The following OSBPL8 variants were observed in gnomAD, a reference collection of about 807,000 sequenced individuals.
The protein encoded by OSBPL8 is oxysterol-binding protein-related protein 8.
Under a neutral mutation model 125.5 loss-of-function variants are expected in OSBPL8, and 59 were observed. The observed-to-expected ratio is 0.47, with a 90% CI of 0.38 to 0.58. The LOEUF (loss-of-function observed/expected upper bound fraction) is 0.58. Ranked by LOEUF, OSBPL8 falls within the 20% of genes least tolerant of loss-of-function variation. OSBPL8 has a pLI of 0.00. For synonymous variants in OSBPL8, 330 were observed against 338.9 expected (o/e 0.97, Z 0.29); for missense variants, 758 against 1,047.8 (o/e 0.72, Z 3.82).
chr12:76,546,792 C>A (rs1210810693), intron 1 of OSBPL8, among the ~76,000 whole-genome samples: 1 of 152,016 alleles, frequency 6.6e-6, no homozygotes, highest in Admixed American at 6.6e-5. Flanking sequence ...GCTAGTTTCA[C>A]AGAATATAGA....
At chr12:76,380,341 A>C (rs552165840) in intron 15 of OSBPL8, among the ~76,000 whole-genome samples, 5 of 152,164 alleles carry the variant, frequency 3.3e-5, no homozygotes, top group South Asian at 2.1e-4. Context: ...CACGACTTAC[A>C]CATCTTTTAT....
Position 76,384,280 on chromosome 12 carries a change from C to G in OSBPL8, c.1604G>C (p.Ser535Thr). 4 of 1,561,346 alleles carry G rather than the reference C, an allele frequency of 2.6e-6. No individual in the cohort carries two copies. Among genetic ancestry groups the G allele is most frequent in the Non-Finnish European group, 3.5e-6 (4 of 1,145,208 alleles). The stretch of plus-strand genomic sequence containing the variant: ...ATAAAACTTAGACTTAGCCAGGATA[C>G]TACCGCTAAGGCAAAATCCATCTTT... ...NRKDGFCLSG[S>T]ILAKSKFYGN... The change falls in exon 15 of 24, where the codon AGT (serine) becomes ACT (threonine). Residue 535 changes from serine (S) to threonine (T), a missense_variant. By Grantham distance (58) the Ser-to-Thr change is moderately conservative (BLOSUM62 1). Transcript: ENST00000261183.
chr12:76,522,831 T>C (rs1049882766), intron 1 of OSBPL8, among the ~76,000 whole-genome samples: 5 of 152,202 alleles, frequency 3.3e-5, no homozygotes, highest in Non-Finnish European at 5.9e-5. Flanking sequence ...GTGTTAAAAG[T>C]ACTAAAATAT....
At chr12:76,371,145 A>G (rs1490797357) in intron 19 of OSBPL8, 1 of 182,408 alleles carries the variant, frequency 5.5e-6, no homozygotes, top group Non-Finnish European at 1.1e-5. Context: ...GGTAGAAACT[A>G]AGAGTCATTA....
At chr12:76,485,127 TG>T (rs1436968394) in intron 2 of OSBPL8, among the ~76,000 whole-genome samples, 1 of 151,934 alleles carries the variant, frequency 6.6e-6, no homozygotes, top group Non-Finnish European at 1.5e-5. Context: ...TTCATCATGC[TG>T]GCCAGGCTGG....
chr12:76,491,992 C>A (rs1878767468), intron 1 of OSBPL8, among the ~76,000 whole-genome samples: 1 of 151,976 alleles, frequency 6.6e-6, no homozygotes, highest in Non-Finnish European at 1.5e-5. Context: ...TTGAATACAT[C>A]AATTTGCAAA....
intron 4 of OSBPL8, among the ~76,000 whole-genome samples, chr12:76,443,338 C>A (rs1428526933): frequency 6.6e-6 from 1 of 152,022 alleles, no homozygotes. Context: ...TATAGTATTT[C>A]ATGAAGCTTT....
intron 2 of OSBPL8, among the ~76,000 whole-genome samples, chr12:76,475,472 G>A (rs1235549593): frequency 2.0e-5 from 3 of 152,084 alleles, no homozygotes; most frequent in Non-Finnish European, 4.4e-5. Flanking sequence ...GTTTTTTCAG[G>A]TGGTCCCTTA....
chr12:76,555,827 T>C (rs1951078025), intron 1 of OSBPL8, among the ~76,000 whole-genome samples: 1 of 152,244 alleles, frequency 6.6e-6, no homozygotes, highest in Non-Finnish European at 1.5e-5. Context: ...TTAATCTTTT[T>C]ATTTAGGGAG....
intron 1 of OSBPL8, among the ~76,000 whole-genome samples, chr12:76,510,626 TCCCAGCA>T (rs1880875878): frequency 1.3e-5 from 2 of 152,160 alleles, no homozygotes; most frequent in Admixed American, 1.3e-4. Context: ...ACGCCTGTAA[TCCCAGCA>T]CTTTGGGAGG....
chr12:76,559,577 C>T lies in OSBPL8; in HGVS notation c.-248G>A, dbSNP rs570481903. 2 of 152,246 alleles carry T rather than the reference C, an allele frequency of 1.3e-5. No individual in the cohort carries two copies. The highest frequency in any genetic ancestry group is 6.5e-5 in the Admixed American group (1 of 15,288). 9.4% of individuals were successfully genotyped at this position (152,246 alleles called of 1,614,324 possible). ...GCGCTGCCCAGCGGCCGCGGAGGCA[C>T]TGCCGGCTCAGCCCCCGAGCGGGGC... On this transcript the variant is annotated 5_prime_UTR_variant, in exon 1 of 24. The change creates a new upstream start codon in the 5' untranslated region. Transcript: ENST00000261183.
At chr12:76,393,477 G>A (rs1592592706) in intron 9 of OSBPL8, among the ~76,000 whole-genome samples, 1 of 151,900 alleles carries the variant, frequency 6.6e-6, no homozygotes, top group Non-Finnish European at 1.5e-5. Flanking sequence ...TTGGGAGGCC[G>A]AGGCAGGCGG....
intron 2 of OSBPL8, among the ~76,000 whole-genome samples, chr12:76,480,457 T>C (rs1315163355): frequency 6.6e-6 from 1 of 152,192 alleles, no homozygotes; most frequent in African/African-American, 2.4e-5. Context: ...TGGGATACGT[T>C]CTACTACTCC....
chr12:76,524,856 G>A lies in OSBPL8; in HGVS notation c.-68+34541C>T, dbSNP rs2137380. Among the ~76,000 whole-genome samples the A allele has an allele frequency of 2.6e-5, 4 of 152,116 alleles. No individual in the cohort carries two copies. The East Asian group carries it at 7.7e-4, about 29-fold the overall frequency. ...ACAGTACCACGCCCAGCTAATTTTT[G>A]TATTTTTAGTAGAGACGGGGTATCG... On this transcript the variant is annotated intron_variant, in intron 1 of 23. Coordinates refer to ENST00000261183, the MANE Select transcript of OSBPL8 (RefSeq NM_020841.5).
In OSBPL8 at chr12:76,371,522, T is replaced by A; in HGVS notation, c.1980A>T (p.Thr660=). The A allele has an allele frequency of 6.2e-7, 1 of 1,611,430 alleles. No homozygotes were observed. Among genetic ancestry groups the A allele is most frequent in the Non-Finnish European group, 8.5e-7 (1 of 1,178,704 alleles). Residue 660 remains threonine, a synonymous_variant, in exon 19 of 24, where the codon ACA becomes ACT. Coordinates refer to ENST00000261183, the MANE Select transcript of OSBPL8 (RefSeq NM_020841.5). ...TTAATCTCCATTGCTTAATGTCAGG[T>A]GTTGGATTCCAGAAAACCTCTGAAT... ...TDNSEVFWNP[T]PDIKQWRLIR...
intron 2 of OSBPL8, among the ~76,000 whole-genome samples, chr12:76,462,092 A>G (rs770013792): frequency 6.6e-6 from 1 of 152,186 alleles, no homozygotes; most frequent in Non-Finnish European, 1.5e-5. Context: ...CAGTGGTTCT[A>G]ATTGTGTGTA....
chr12:76,402,019 C>T (rs905974523), intron 6 of OSBPL8, among the ~76,000 whole-genome samples: 4 of 152,110 alleles, frequency 2.6e-5, no homozygotes, highest in African/African-American at 9.7e-5. Flanking sequence ...ACAGACTAGA[C>T]ATAATACAAT....
At chr12:76,537,846 T>C (rs1199174168) in intron 1 of OSBPL8, 1 of 151,878 alleles carries the variant, frequency 6.6e-6, no homozygotes, top group Non-Finnish European at 1.5e-5. Flanking sequence ...GAAGCAGAGG[T>C]TGCAGTGAGC....
intron 1 of OSBPL8, among the ~76,000 whole-genome samples, chr12:76,531,373 A>G (rs928736668): frequency 1.1e-4 from 16 of 152,342 alleles, no homozygotes; most frequent in Non-Finnish European, 1.9e-4. Flanking sequence ...TCAGTAATTC[A>G]ATGGTAATAA....
Sources: allele counts gnomAD v4.1 joint callset (sites outside exome capture counted in the v4.1 genomes callset), GRCh38; gene constraint gnomAD v4.1.1; transcripts MANE v1.5; gene names NCBI Gene and HGNC (gene_info 2026-07-23, HGNC 2026-07-21).